The following CHRM3 variants were observed in gnomAD, a reference collection of about 807,000 sequenced individuals.
The protein encoded by CHRM3 is muscarinic acetylcholine receptor M3.
In CHRM3, 11 loss-of-function variants were observed where a neutral mutation model predicts 41.8. The ratio of observed to expected loss-of-function variants is 0.26; its 90% confidence interval spans 0.17 to 0.44. The LOEUF (loss-of-function observed/expected upper bound fraction) is 0.44, where lower values mean the gene tolerates loss of function less well. Among genes scored for constraint, CHRM3 ranks in the 20% least tolerant of loss-of-function variants. CHRM3 has a pLI of 1.00. For missense variants in CHRM3, 571 were observed against 745.4 expected (o/e 0.77, Z 2.72); for synonymous variants, 297 against 301.4 (o/e 0.99, Z 0.15).
In CHRM3 at chr1:239,586,495, T is replaced by C. The variant is rs370627562; in HGVS notation, c.-313+40746T>C. On this transcript the variant is annotated intron_variant, in intron 3 of 6. Transcript: ENST00000676153. ...ACAAAAATAAAATTTTAGATAACTCTTGGAACCCAAACTAAAGGCCAGAAA... is the reference window on the plus strand; with the variant it reads ...ACAAAAATAAAATTTTAGATAACTCCTGGAACCCAAACTAAAGGCCAGAAA... Among the ~76,000 whole-genome samples the C allele has an allele frequency of 4.6e-5, 7 of 152,180 alleles. No individual in the cohort carries two copies. The East Asian group carries it at 7.7e-4, about 17-fold the overall frequency.
At chr1:239,580,238 T>C (rs967141000) in intron 3 of CHRM3, among the ~76,000 whole-genome samples, 1 of 147,832 alleles carries the variant, frequency 6.8e-6, no homozygotes, top group South Asian at 2.1e-4. Flanking sequence ...CAGTCTGTAC[T>C]ACCTGGAAAA....
At chr1:239,787,457 A>T (rs926308263) in intron 5 of CHRM3, among the ~76,000 whole-genome samples, 5 of 152,148 alleles carry the variant, frequency 3.3e-5, no homozygotes, top group African/African-American at 1.2e-4. Flanking sequence ...AGAAGCCAAG[A>T]CATCAGGTCT....
chr1:239,708,221 GCCA>G (rs1661378686), intron 5 of CHRM3, among the ~76,000 whole-genome samples: 1 of 152,200 alleles, frequency 6.6e-6, no homozygotes, highest in Admixed American at 6.5e-5. Flanking sequence ...AAACCTTGGA[GCCA>G]TCCTTGAATC....
chr1:239,493,538 A>T (rs1438246613), intron 2 of CHRM3, among the ~76,000 whole-genome samples: 2 of 152,212 alleles, frequency 1.3e-5, no homozygotes, highest in Non-Finnish European at 2.9e-5. Flanking sequence ...AAAACTTTTT[A>T]AAAATAATAG....
intron 2 of CHRM3, among the ~76,000 whole-genome samples, chr1:239,529,609 CAAAAAAAAA>C (rs74990447): frequency 2.7e-4 from 30 of 110,828 alleles, no homozygotes; most frequent in Admixed American, 6.0e-4. Flanking sequence ...GACTCCGTCT[CAAAAAAAAA>C]AAAAAAAAAA....
At chr1:239,473,071 G>A (rs1387664814) in intron 1 of CHRM3, among the ~76,000 whole-genome samples, 1 of 151,876 alleles carries the variant, frequency 6.6e-6, no homozygotes, top group Non-Finnish European at 1.5e-5. Context: ...AACTGGCTAT[G>A]TATAAACACA....
At chr1:239,403,994 A>AGAGAGAGAGAGAGAGAGAG (rs1490199289) in intron 1 of CHRM3, among the ~76,000 whole-genome samples, 2 of 144,544 alleles carry the variant, frequency 1.4e-5, no homozygotes, top group Non-Finnish European at 3.0e-5. Flanking sequence ...AGAGAGAGAG[A>AGAGAGAGAGAGAGAGAGAG]GAGAGAGAGA....
rs574210120 is a variant in CHRM3, at chr1:239,644,455, T to C, written c.-250+12169T>C. On this transcript the variant is annotated intron_variant, in intron 4 of 6. Transcript: ENST00000676153. ...CAACTTCTCCCCACGTCGTCATGCC[T>C]ATCCCTTGATCACAAATGTATTTGA... Among the ~76,000 whole-genome samples, 395 of 151,972 alleles carry C rather than the reference T, an allele frequency of 2.6e-3. 1 individual carries two copies. Among genetic ancestry groups the C allele is most frequent in the Non-Finnish European group, 4.5e-3 (306 of 67,956 alleles).
intron 4 of CHRM3, among the ~76,000 whole-genome samples, chr1:239,651,853 C>T (rs1466499862): frequency 1.3e-5 from 2 of 152,050 alleles, no homozygotes; most frequent in African/African-American, 2.4e-5. Flanking sequence ...CAGACAGCAC[C>T]CCCCCACACC....
At chr1:239,662,318 G>C (rs1396264744) in intron 4 of CHRM3, among the ~76,000 whole-genome samples, 2 of 152,126 alleles carry the variant, frequency 1.3e-5, no homozygotes. Flanking sequence ...AAGTGTGATT[G>C]ACATGTCTGA....
At chr1:239,577,316 A>T (rs899941382) in intron 3 of CHRM3, among the ~76,000 whole-genome samples, 1 of 151,690 alleles carries the variant, frequency 6.6e-6, no homozygotes, top group African/African-American at 2.4e-5. Flanking sequence ...TATCCTTTTA[A>T]TTTTTTTAAA....
intron 2 of CHRM3, among the ~76,000 whole-genome samples, chr1:239,498,448 A>G (rs1668020560): frequency 6.6e-6 from 1 of 152,174 alleles, no homozygotes; most frequent in South Asian, 2.1e-4. Flanking sequence ...TGATTTCAAT[A>G]AAATTAAATT....
At chr1:239,552,506 T>A (rs1294311195) in intron 3 of CHRM3, among the ~76,000 whole-genome samples, 1 of 143,666 alleles carries the variant, frequency 7.0e-6, no homozygotes, top group Admixed American at 7.0e-5. Flanking sequence ...AAATATATAT[T>A]TTATATATAT....
At position 239,403,976 on chromosome 1, in the gene CHRM3, G is replaced by GGAGAGAGAGAGAGAGAGAGAGA. The variant is rs531556599; in HGVS notation, c.-521+16766_-521+16787dup. Among the ~76,000 whole-genome samples the GGAGAGAGAGAGAGAGAGAGAGA allele has an allele frequency of 3.4e-4, 16 of 46,506 alleles. 1 individual carries two copies. Among genetic ancestry groups the GGAGAGAGAGAGAGAGAGAGAGA allele is most frequent in the Non-Finnish European group, 3.5e-4 (9 of 25,764 alleles). 30.5% of individuals were successfully genotyped at this position (46,506 alleles called of 152,430 possible). On this transcript the variant is annotated intron_variant, in intron 1 of 6. Coordinates refer to ENST00000676153, the MANE Select transcript of CHRM3 (RefSeq NM_001375978.1). ...GGGAGGGAGGGAGGGAGAGGGAGGG[G>GGAGAGAGAGAGAGAGAGAGAGA]GAGAGAGAGAGAGAGAGAGAGAGAG... is the stretch of plus-strand genomic sequence containing the variant.
intron 5 of CHRM3, among the ~76,000 whole-genome samples, chr1:239,744,388 G>A (rs1665158289): frequency 6.6e-6 from 1 of 152,088 alleles, no homozygotes; most frequent in Non-Finnish European, 1.5e-5. Context: ...TGGTGATGGG[G>A]GAATAGCAGA....
At chr1:239,398,455 C>T (rs1484480424) in intron 1 of CHRM3, among the ~76,000 whole-genome samples, 1 of 151,732 alleles carries the variant, frequency 6.6e-6, no homozygotes, top group Non-Finnish European at 1.5e-5. Flanking sequence ...AGGCTGGTCT[C>T]GAACTCCTGA....
intron 6 of CHRM3, among the ~76,000 whole-genome samples, chr1:239,862,239 A>G (rs1675699381): frequency 6.6e-6 from 1 of 152,250 alleles, no homozygotes; most frequent in Admixed American, 6.5e-5. Flanking sequence ...TGTAGAAAAC[A>G]CCACTATTAC....
At chr1:239,805,526 GAAAAC>G (rs1670566671) in intron 5 of CHRM3, among the ~76,000 whole-genome samples, 1 of 152,164 alleles carries the variant, frequency 6.6e-6, no homozygotes, top group Non-Finnish European at 1.5e-5. Flanking sequence ...AGCTAGGAGA[GAAAAC>G]AAAGTGAGAA....
chr1:239,536,601 T>C (rs1484672216), intron 2 of CHRM3, among the ~76,000 whole-genome samples: 1 of 152,198 alleles, frequency 6.6e-6, no homozygotes, highest in Non-Finnish European at 1.5e-5. Flanking sequence ...CACAAATCAT[T>C]TCCCTTTAAT....
Sources: gnomAD v4.1 joint callset for allele counts (sites outside exome capture counted in the v4.1 genomes callset) on GRCh38, gnomAD v4.1.1 for gene constraint, MANE v1.5 for transcripts, NCBI Gene and HGNC (gene_info 2026-07-23, HGNC 2026-07-21) for gene names.